Variants in ABCA4 observed in about 807,000 individuals in gnomAD.
The protein encoded by ABCA4 is ATP binding cassette subfamily A member 4.
Under a neutral mutation model 263.7 loss-of-function variants are expected in ABCA4, and 196 were observed. The observed-to-expected ratio is 0.74, with a 90% CI of 0.66 to 0.84. ABCA4 has a LOEUF of 0.84. Among genes scored for constraint, ABCA4 ranks in the 40% least tolerant of loss-of-function variants. The pLI is 0.00. For missense variants in ABCA4, 2,792 were observed against 2,855.1 expected (o/e 0.98, Z 0.50); for synonymous variants, 1,133 against 1,094.2 (o/e 1.04, Z -0.70).
At chr1:94,117,027 C>T (rs79728613) in intron 1 of ABCA4, among the ~76,000 whole-genome samples, 923 of 45,274 alleles carry the variant, frequency 0.02, 3 homozygotes, top group Middle Eastern at 0.045. Flanking sequence ...TCTTTCTTTC[C>T]TTTTCTTTCT....
intron 41 of ABCA4, 140 bp from the exon 42 acceptor site, chr1:94,008,437 G>A: frequency 1.1e-6 from 1 of 882,172 alleles, no homozygotes; most frequent in Non-Finnish European, 1.9e-6. Context: ...CAGGCACAGA[G>A]GTGTGGTGAG....
In ABCA4 at chr1:94,001,930, C is replaced by T. The variant is rs1368610622; in HGVS notation, c.6210G>A (p.Thr2070=). 2 of 1,614,078 alleles carry T rather than the reference C, an allele frequency of 1.2e-6. No individual in the cohort carries two copies. The highest frequency in any genetic ancestry group is 1.3e-5 in the African/African-American group (1 of 74,928). ...LTVYADCLAG[T]YSGGNKRKLS... ...GTTTCCGCTTGTTGCCCCCACTGTA[C>T]GTGCCAGCCAGGCAGTCGGCGTAGA... Residue 2070 remains threonine, a synonymous_variant, in exon 45 of 50, where the codon ACG becomes ACA. Transcript: ENST00000370225.
intron 21 of ABCA4, 121 bp from the exon 22 acceptor site, chr1:94,043,019 G>C (rs1337761909): frequency 6.4e-6 from 9 of 1,410,726 alleles, no homozygotes; most frequent in Non-Finnish European, 9.0e-6. Context: ...CTGCCTCTTA[G>C]ATGTTTATAG....
intron 5 of ABCA4, among the ~76,000 whole-genome samples, chr1:94,101,322 G>A (rs759565635): frequency 1.3e-5 from 2 of 152,194 alleles, no homozygotes; most frequent in Non-Finnish European, 2.9e-5. Flanking sequence ...AATCGGTGCC[G>A]ACAGCACCCC....
At chr1:94,032,410 A>G (rs1036252070) in intron 26 of ABCA4, among the ~76,000 whole-genome samples, 4 of 152,094 alleles carry the variant, frequency 2.6e-5, no homozygotes, top group African/African-American at 9.7e-5. Flanking sequence ...GCTGAGGTGG[A>G]TGGATCATTT....
intron 11 of ABCA4, among the ~76,000 whole-genome samples, chr1:94,064,429 TAGG>T (rs1257114246): frequency 6.6e-6 from 1 of 151,738 alleles, no homozygotes; most frequent in African/African-American, 2.4e-5. Context: ...GCCTCCTGAG[TAGG>T]AGGATAAGCA....
At chr1:94,040,180 C>A (rs1660451625) in intron 23 of ABCA4, 53 bp from the exon 24 acceptor site, 1 of 1,435,344 alleles carries the variant, frequency 7.0e-7, no homozygotes, top group South Asian at 1.2e-5. Flanking sequence ...TCCATGACAG[C>A]CTCTCCCTGA....
intron 1 of ABCA4, among the ~76,000 whole-genome samples, chr1:94,116,282 G>A (rs1214008889): frequency 6.6e-6 from 1 of 150,972 alleles, no homozygotes; most frequent in Admixed American, 6.6e-5. Flanking sequence ...TATAGTCCCC[G>A]CCCCTCAAAT....
At position 94,062,751 on chromosome 1, in the gene ABCA4, T is replaced by A. The variant is rs972888328; in HGVS notation, c.1763A>T (p.Tyr588Phe). The part of the protein sequence containing the change: ...VEKTNKIKDR[Y>F]WDSGPRADPV... ...ATCAGCTCTGGGACCAGAATCCCAA[T>A]ACCTGAGAAGACACAGAGGGACAAA... The change falls in exon 13 of 50, where the codon TAT (tyrosine) becomes TTT (phenylalanine). Residue 588 changes from tyrosine to phenylalanine, a missense_variant and splice_region_variant. Physicochemically the swap from Tyr to Phe is conservative, Grantham distance 22 (BLOSUM62 3). Coordinates refer to ENST00000370225, the MANE Select transcript of ABCA4 (RefSeq NM_000350.3). 6.2e-7 allele frequency: 1 copy of A among 1,613,680 alleles called. No homozygotes were observed. Among genetic ancestry groups the A allele is most frequent in the Admixed American group, 1.7e-5 (1 of 59,974 alleles).
chr1:93,998,238 C>T (rs907867596), intron 47 of ABCA4, 128 bp from the exon 48 acceptor site: 24 of 1,306,320 alleles, frequency 1.8e-5, no homozygotes, highest in Non-Finnish European at 2.6e-5. Flanking sequence ...CACCTGAAAT[C>T]CCAGCAATTT....
At chr1:94,116,433 A>T (rs1557811869) in intron 1 of ABCA4, among the ~76,000 whole-genome samples, 1 of 152,138 alleles carries the variant, frequency 6.6e-6, no homozygotes, top group Non-Finnish European at 1.5e-5. Flanking sequence ...AACACGTCTC[A>T]GGTAGTTCCA....
At chr1:94,113,176 T>G in intron 1 of ABCA4, 110 bp from the exon 2 acceptor site, 1 of 996,630 alleles carries the variant, frequency 1.0e-6, no homozygotes, top group Non-Finnish European at 1.6e-6. Flanking sequence ...CAGTAGGACT[T>G]TGGTTGTGGT....
rs764744217 is a variant in ABCA4 at position 94,112,976 on chromosome 1, C to A, written c.157G>T (p.Glu53Ter). 1 of 1,612,910 alleles carries A rather than the reference C, an allele frequency of 6.2e-7. No homozygotes were observed. The highest frequency in any genetic ancestry group is 2.2e-5 in the East Asian group (1 of 44,878). Residue 53 changes from glutamate to a stop codon, truncating the protein, a stop_gained, in exon 2 of 50, where the codon GAA becomes TAA. Coordinates refer to ENST00000370225, the MANE Select transcript of ABCA4 (RefSeq NM_000350.3). LOFTEE classifies it high-confidence loss of function. ...RNANPLYSHHECHFPNKAMPS... is the reference protein window; with the variant it reads ...RNANPLYSHH ...CAAGCTACCCTGCTATGCTTACATT[C>A]ATGATGGCTGTAGAGTGGGTTGGCA... is the stretch of plus-strand genomic sequence containing the variant.
At chr1:93,994,211 T>C (rs1658940463) in intron 49 of ABCA4, among the ~76,000 whole-genome samples, 1 of 152,220 alleles carries the variant, frequency 6.6e-6, no homozygotes, top group East Asian at 1.9e-4. Flanking sequence ...TTAGGATGTT[T>C]CTAAGTTGTC....
intron 11 of ABCA4, among the ~76,000 whole-genome samples, chr1:94,065,416 G>C (rs1432243747): frequency 2.6e-5 from 4 of 152,102 alleles, no homozygotes; most frequent in Non-Finnish European, 4.4e-5. Context: ...AGGGCGTAAG[G>C]ACCTGACCAC....
chr1:94,084,665 G>C (rs1465593841), intron 6 of ABCA4, among the ~76,000 whole-genome samples: 1 of 152,142 alleles, frequency 6.6e-6, no homozygotes, highest in Non-Finnish European at 1.5e-5. Context: ...AAAGCAGATG[G>C]GTAGAATTTT....
In ABCA4 at chr1:94,014,628, T is replaced by C; in HGVS notation, c.5375A>G (p.Tyr1792Cys). 7 of 1,614,188 alleles carry C rather than the reference T, an allele frequency of 4.3e-6. No homozygotes were observed. The highest frequency in any genetic ancestry group is 2.7e-5 in the African/African-American group (2 of 75,056). ...CAGATTAGCACAAGATAAAGCCACA[T>C]AGGCTGTGCTGGGGACATCAAACAG... ...SFLFDVPSTA[Y>C]VALSCANLFI... Residue 1792 changes from tyrosine (Y) to cysteine (C), a missense_variant, in exon 38 of 50, where the codon TAT becomes TGT. Physicochemically the swap from Tyr to Cys is radical, Grantham distance 194. Transcript: ENST00000370225.
intron 16 of ABCA4, among the ~76,000 whole-genome samples, chr1:94,053,248 G>C (rs1242132808): frequency 6.6e-6 from 1 of 152,160 alleles, no homozygotes; most frequent in African/African-American, 2.4e-5. Context: ...GGTAGCCTGG[G>C]CACCACATTT....
chr1:94,101,836 G>A (rs7513438), intron 5 of ABCA4, among the ~76,000 whole-genome samples: 10,705 of 152,250 alleles, frequency 0.07, 516 homozygotes, highest in African/African-American at 0.14. Flanking sequence ...CTGAGCCTGC[G>A]GAATCACCTG....
Sources: allele counts gnomAD v4.1 joint callset (sites outside exome capture counted in the v4.1 genomes callset), GRCh38; gene constraint gnomAD v4.1.1; transcripts MANE v1.5; gene names NCBI Gene and HGNC (gene_info 2026-07-23, HGNC 2026-07-21).